SP3: variants seen among roughly 807,000 people sequenced by gnomAD.
SP3 encodes the protein transcription factor Sp3.
In SP3, 10 loss-of-function variants were observed where a neutral mutation model predicts 70.3. The ratio of observed to expected loss-of-function variants is 0.14; its 90% CI spans 0.09 to 0.24. The LOEUF (loss-of-function observed/expected upper bound fraction) is 0.24. SP3 is among the 10% of genes least tolerant of loss of function. The pLI is 1.00. For synonymous variants in SP3, 402 were observed against 333.5 expected, an observed-to-expected ratio of 1.21 and a Z score of -2.24; for missense variants, 825 against 914.6, an observed-to-expected ratio of 0.90 and a Z score of 1.26.
intron 4 of SP3, among the ~76,000 whole-genome samples, chr2:173,935,438 G>A (rs891774689): frequency 6.6e-6 from 1 of 152,140 alleles, no homozygotes; most frequent in Non-Finnish European, 1.5e-5. Flanking sequence ...AACTATCTGA[G>A]TGCAAACTAA....
chr2:173,928,622 G>C (rs544353740), intron 4 of SP3, among the ~76,000 whole-genome samples: 1 of 151,992 alleles, frequency 6.6e-6, no homozygotes, highest in East Asian at 1.9e-4. Flanking sequence ...TGCTTTAAAT[G>C]ATCCACTAAA....
chr2:173,930,131 G>C (rs1162617726), intron 4 of SP3, among the ~76,000 whole-genome samples: 4 of 152,094 alleles, frequency 2.6e-5, no homozygotes, highest in Non-Finnish European at 4.4e-5. Flanking sequence ...TCCCTCTCAA[G>C]TTGGCCTTTA....
chr2:173,923,558 C>G (rs770148754), intron 4 of SP3, among the ~76,000 whole-genome samples: 2 of 151,934 alleles, frequency 1.3e-5, no homozygotes, highest in Non-Finnish European at 2.9e-5. Context: ...AATTCTTAAC[C>G]AACTTATCAA....
At position 173,956,195 on chromosome 2, in the gene SP3, G is replaced by A. The variant is rs371851825; in HGVS notation, c.317C>T (p.Pro106Leu). Residue 106 changes from proline (P) to leucine (L), a missense_variant, in exon 4 of 7, where the codon CCA becomes CTA. Coordinates refer to ENST00000310015, the MANE Select transcript of SP3 (RefSeq NM_003111.5). Reference protein sequence around the residue: ...DLASAQLGGAPNRWEVLSATP... With the variant: ...DLASAQLGGALNRWEVLSATP... ...GGCTGACAAAACCTCCCATCGGTTTGGTGCTCCTCCTAACTGTGCAGAAGC... is the reference window on the plus strand; with the variant it reads ...GGCTGACAAAACCTCCCATCGGTTTAGTGCTCCTCCTAACTGTGCAGAAGC... 19 of 1,613,308 alleles carry A rather than the reference G, an allele frequency of 1.2e-5. No homozygotes were observed. Among genetic ancestry groups the A allele is most frequent in the Non-Finnish European group, 1.6e-5 (19 of 1,179,602 alleles).
chr2:173,951,915 A>G (rs1379725516), intron 4 of SP3, among the ~76,000 whole-genome samples: 1 of 152,230 alleles, frequency 6.6e-6, no homozygotes. Context: ...ATTACATTAA[A>G]ATACAGTATC....
intron 4 of SP3, among the ~76,000 whole-genome samples, chr2:173,946,561 T>TA (rs1690545253): frequency 5.3e-5 from 8 of 152,098 alleles, no homozygotes; most frequent in African/African-American, 1.9e-4. Context: ...TCAATAAAGG[T>TA]CTTTGAATAA....
chr2:173,944,214 A>T (rs1690464996), intron 4 of SP3, among the ~76,000 whole-genome samples: 1 of 152,192 alleles, frequency 6.6e-6, no homozygotes, highest in South Asian at 2.1e-4. Context: ...TATGAAAACA[A>T]CGTCACATGT....
At chr2:173,952,281 G>A (rs1690732193) in intron 4 of SP3, among the ~76,000 whole-genome samples, 1 of 152,010 alleles carries the variant, frequency 6.6e-6, no homozygotes, top group African/African-American at 2.4e-5. Flanking sequence ...TTCTTATTTT[G>A]ATATGCAGCA....
chr2:173,932,088 C>T (rs1262404749), intron 4 of SP3, among the ~76,000 whole-genome samples: 1 of 152,240 alleles, frequency 6.6e-6, no homozygotes, highest in Non-Finnish European at 1.5e-5. Context: ...GCTTTCCTCA[C>T]TAAGCTTAAT....
At chr2:173,956,660 TC>T (rs1159724623) in intron 3 of SP3, among the ~76,000 whole-genome samples, 3 of 152,160 alleles carry the variant, frequency 2.0e-5, no homozygotes, top group African/African-American at 7.2e-5. Context: ...AAGCCTAAAA[TC>T]AAACAATGAA....
At chr2:173,927,339 G>A (rs941658283) in intron 4 of SP3, among the ~76,000 whole-genome samples, 11 of 150,536 alleles carry the variant, frequency 7.3e-5, no homozygotes, top group Non-Finnish European at 4.4e-5. Flanking sequence ...ACAGTGGTGT[G>A]ATCTCCGCTC....
rs1251249164 is a variant in SP3 at position 173,908,887 on chromosome 2, TA to T, written c.*1053del. On this transcript the variant is annotated 3_prime_UTR_variant, in exon 7 of 7. Coordinates refer to ENST00000310015, the MANE Select transcript of SP3 (RefSeq NM_003111.5). ...GCAAAAAAGGAAAATGATTGATATTTAAGTGCAGACTGACTACCTAGACAAA... is the reference window on the plus strand; with the variant it reads ...GCAAAAAAGGAAAATGATTGATATTTAGTGCAGACTGACTACCTAGACAAA... 1 of 151,256 alleles carries T rather than the reference TA, an allele frequency of 6.6e-6. No individual in the cohort carries two copies. The highest frequency in any genetic ancestry group is 1.5e-5 in the Non-Finnish European group (1 of 67,580). 9.4% of individuals were successfully genotyped at this position (151,256 alleles called of 1,614,324 possible).
At chr2:173,919,797 C>A (rs1245059881) in intron 4 of SP3, among the ~76,000 whole-genome samples, 2 of 151,806 alleles carry the variant, frequency 1.3e-5, no homozygotes, top group Non-Finnish European at 2.9e-5. Context: ...ACTCTTTCAT[C>A]TGTATCTTCT....
At chr2:173,935,928 C>A (rs1397200976) in intron 4 of SP3, among the ~76,000 whole-genome samples, 1 of 148,476 alleles carries the variant, frequency 6.7e-6, no homozygotes, top group Non-Finnish European at 1.5e-5. Flanking sequence ...GATAGCTAAT[C>A]ACCAATCCTA....
rs1430695184 is a variant in SP3 at position 173,906,022 on chromosome 2, G to C, written c.*3919C>G. 3.3e-5 allele frequency among the ~76,000 whole-genome samples: 5 copies of C among 152,028 alleles called. No individual in the cohort carries two copies. ...AGGGAAAAAACAAACAATAAACCCTGGACTAGAATGAATTTTTCTGGGGAG... is the reference window on the plus strand; with the variant it reads ...AGGGAAAAAACAAACAATAAACCCTCGACTAGAATGAATTTTTCTGGGGAG... On this transcript the variant is annotated 3_prime_UTR_variant, in exon 7 of 7. Transcript: ENST00000310015.
At chr2:173,959,151 G>C (rs770078710) in intron 3 of SP3, among the ~76,000 whole-genome samples, 21 of 152,046 alleles carry the variant, frequency 1.4e-4, no homozygotes, top group Non-Finnish European at 2.5e-4. Context: ...CTATGAAAAA[G>C]TCTAAACCAA....
intron 3 of SP3, among the ~76,000 whole-genome samples, chr2:173,959,674 G>C (rs2105504121): frequency 6.6e-6 from 1 of 152,154 alleles, no homozygotes. Flanking sequence ...GAATGGCTTG[G>C]GCCTGGAAGG....
intron 4 of SP3, among the ~76,000 whole-genome samples, chr2:173,932,775 G>C (rs997275477): frequency 6.6e-6 from 1 of 152,064 alleles, no homozygotes; most frequent in Non-Finnish European, 1.5e-5. Context: ...GGTGGATCAC[G>C]AGGTCAGGAG....
chr2:173,923,373 C>A (rs1259180902), intron 4 of SP3, among the ~76,000 whole-genome samples: 1 of 151,948 alleles, frequency 6.6e-6, no homozygotes, highest in Admixed American at 6.6e-5. Context: ...TACACACACA[C>A]CCACACACAC....
Sources: allele counts gnomAD v4.1 joint callset (sites outside exome capture counted in the v4.1 genomes callset), GRCh38; gene constraint gnomAD v4.1.1; transcripts MANE v1.5; gene names NCBI Gene and HGNC (gene_info 2026-07-23, HGNC 2026-07-21).